SEMA3A: variants seen among roughly 807,000 people sequenced by gnomAD.
SEMA3A encodes the protein semaphorin-3A.
A neutral mutation model predicts 97.9 loss-of-function variants in SEMA3A; 29 were observed. The observed-to-expected ratio is 0.30, with a 90% confidence interval of 0.22 to 0.40. SEMA3A has a LOEUF of 0.40. SEMA3A is among the 10% of genes least tolerant of loss of function. SEMA3A has a pLI of 1.00. For synonymous variants in SEMA3A, 321 were observed against 323.7 expected (o/e 0.99, Z 0.09); for missense variants, 763 against 951.3 (o/e 0.80, Z 2.60).
chr7:84,419,762 T>C (rs1804534886), intron 1 of SEMA3A, among the ~76,000 whole-genome samples: 1 of 152,222 alleles, frequency 6.6e-6, no homozygotes, highest in Non-Finnish European at 1.5e-5. Context: ...ATAACTAAAT[T>C]GAAAATTTCG....
intron 1 of SEMA3A, among the ~76,000 whole-genome samples, chr7:84,161,510 C>T (rs148745756): frequency 5.9e-5 from 9 of 152,290 alleles, no homozygotes; most frequent in African/African-American, 2.2e-4. Flanking sequence ...TTAGAAAAAT[C>T]AGTGTTAGAA....
At chr7:84,066,710 A>G (rs1242606079) in intron 4 of SEMA3A, among the ~76,000 whole-genome samples, 1 of 151,762 alleles carries the variant, frequency 6.6e-6, no homozygotes, top group East Asian at 1.9e-4. Flanking sequence ...AATCCAACTT[A>G]CAAAGGATGT....
At chr7:84,267,921 G>A (rs1800045913) in intron 3 of SEMA3A, among the ~76,000 whole-genome samples, 1 of 152,038 alleles carries the variant, frequency 6.6e-6, no homozygotes, top group African/African-American at 2.4e-5. Context: ...TTAACAGCCA[G>A]CTTGGTGTGT....
At chr7:84,419,892 C>A (rs1453602246) in intron 1 of SEMA3A, among the ~76,000 whole-genome samples, 1 of 152,148 alleles carries the variant, frequency 6.6e-6, no homozygotes, top group Non-Finnish European at 1.5e-5. Context: ...TCTACAAAAA[C>A]TGCTTTTTTG....
intron 15 of SEMA3A, among the ~76,000 whole-genome samples, chr7:83,968,804 C>CTTTTTTTTTTT (rs34837012): frequency 8.0e-5 from 7 of 86,982 alleles, no homozygotes; most frequent in African/African-American, 2.5e-4. Flanking sequence ...CTTTTCTTTC[C>CTTTTTTTTTTT]TTTTTTTTTT....
At chr7:83,977,009 C>A (rs1413542886) in intron 15 of SEMA3A, 123 bp downstream of exon 15, 1 of 466,112 alleles carries the variant, frequency 2.1e-6, no homozygotes. Flanking sequence ...GATTTTACTT[C>A]TCTTCGGCTG....
chr7:84,184,691 T>C (rs184224336), intron 1 of SEMA3A, among the ~76,000 whole-genome samples: 2 of 152,152 alleles, frequency 1.3e-5, no homozygotes, highest in Admixed American at 1.3e-4. Flanking sequence ...ATCTGTGTGC[T>C]GATCAGACCC....
chr7:84,126,008 C>A lies in SEMA3A; in HGVS notation c.333+3115G>T, dbSNP rs932389539. Among the ~76,000 whole-genome samples, 30 of 152,216 alleles carry A rather than the reference C, an allele frequency of 2.0e-4. No homozygotes were observed. In the Middle Eastern group the frequency reaches 0.01, roughly 52 times the overall value. On this transcript the variant is annotated intron_variant, in intron 3 of 16. Coordinates refer to ENST00000265362, the MANE Select transcript of SEMA3A (RefSeq NM_006080.3). ...CAGAACAATGAAACACTGCAGTGGT[C>A]ATAACCATTAAGGAGTGTTGAATTA...
chr7:84,188,515 A>G (rs754968758), intron 1 of SEMA3A, among the ~76,000 whole-genome samples: 27 of 152,112 alleles, frequency 1.8e-4, no homozygotes, highest in Non-Finnish European at 3.5e-4. Flanking sequence ...TTAAAAATAT[A>G]CCAAATGCCA....
chr7:84,123,830 A>C (rs1795709228), intron 3 of SEMA3A, among the ~76,000 whole-genome samples: 1 of 151,134 alleles, frequency 6.6e-6, no homozygotes, highest in Admixed American at 6.6e-5. Flanking sequence ...TATATATGAG[A>C]GAGAGAGAGA....
intron 1 of SEMA3A, among the ~76,000 whole-genome samples, chr7:84,169,938 C>T (rs937312300): frequency 2.0e-4 from 30 of 151,604 alleles, no homozygotes; most frequent in Admixed American, 3.3e-4. Flanking sequence ...TATTAAAACC[C>T]GAAACTCCTA....
At chr7:84,138,892 T>A (rs1796220146) in intron 1 of SEMA3A, among the ~76,000 whole-genome samples, 1 of 152,116 alleles carries the variant, frequency 6.6e-6, no homozygotes, top group African/African-American at 2.4e-5. Flanking sequence ...TTCAATAGAT[T>A]AAATAGAAAC....
At chr7:84,297,099 T>G (rs1378637347) in intron 3 of SEMA3A, among the ~76,000 whole-genome samples, 1 of 152,198 alleles carries the variant, frequency 6.6e-6, no homozygotes, top group Non-Finnish European at 1.5e-5. Flanking sequence ...TGCCTCAGCC[T>G]GCTGAGTAGC....
chr7:84,455,654 T>C (rs1805669094), intron 1 of SEMA3A, among the ~76,000 whole-genome samples: 1 of 151,954 alleles, frequency 6.6e-6, no homozygotes, highest in Admixed American at 6.5e-5. Context: ...TCTTATAGTT[T>C]GGTCTGAAGC....
At chr7:84,162,349 G>C (rs941345038) in intron 1 of SEMA3A, among the ~76,000 whole-genome samples, 1 of 152,080 alleles carries the variant, frequency 6.6e-6, no homozygotes, top group African/African-American at 2.4e-5. Flanking sequence ...CAAAGGGTGA[G>C]GAAGGGTGGG....
chr7:84,439,072 A>G (rs1419805439), intron 1 of SEMA3A, among the ~76,000 whole-genome samples: 2 of 151,720 alleles, frequency 1.3e-5, no homozygotes, highest in African/African-American at 4.8e-5. Context: ...CAACTTCTAC[A>G]TACATTGACT....
At chr7:84,275,992 A>C (rs1300768100) in intron 3 of SEMA3A, among the ~76,000 whole-genome samples, 1 of 152,030 alleles carries the variant, frequency 6.6e-6, no homozygotes, top group Non-Finnish European at 1.5e-5. Flanking sequence ...AAAATTACAA[A>C]ATATTGTCCT....
chr7:84,489,723 G>A (rs547835401), intron 1 of SEMA3A, among the ~76,000 whole-genome samples: 10 of 145,664 alleles, frequency 6.9e-5, no homozygotes, highest in Admixed American at 2.8e-4. Context: ...CCTCTTGTGC[G>A]ATGTTGGCGT....
intron 2 of SEMA3A, among the ~76,000 whole-genome samples, chr7:84,312,639 A>G (rs981488428): frequency 6.6e-6 from 1 of 150,432 alleles, no homozygotes; most frequent in Admixed American, 6.7e-5. Context: ...TATTCACAAC[A>G]TATATGCATA....
Sources: allele counts gnomAD v4.1 joint callset (sites outside exome capture counted in the v4.1 genomes callset), GRCh38; gene constraint gnomAD v4.1.1; transcripts MANE v1.5; gene names NCBI Gene and HGNC (gene_info 2026-07-23, HGNC 2026-07-21).